The following DNAJC5B variants were observed in gnomAD, a reference collection of about 807,000 sequenced individuals.
DNAJC5B encodes dnaJ homolog subfamily C member 5B.
DNAJC5B carries 23 observed loss-of-function variants against 24.7 expected under a neutral mutation model. The ratio of observed to expected loss-of-function variants is 0.93; its 90% CI spans 0.67 to 1.32. The LOEUF is 1.32. DNAJC5B is among the 40% of genes most tolerant of loss of function. The pLI, the probability that DNAJC5B is intolerant of heterozygous loss-of-function variation, is 0.00. For synonymous variants in DNAJC5B, 101 were observed against 90.1 expected (o/e 1.12, Z -0.68); for missense variants, 238 against 240.8 (o/e 0.99, Z 0.08).
intron 5 of DNAJC5B, among the ~76,000 whole-genome samples, chr8:66,094,298 CTT>C (rs1433000950): frequency 6.6e-6 from 1 of 152,018 alleles, no homozygotes; most frequent in African/African-American, 2.4e-5. Context: ...GAATCTGAGT[CTT>C]TTAATATGTG....
In DNAJC5B at chr8:66,025,908, C is replaced by T. The variant is rs1313828211; in HGVS notation, c.-142+4203C>T. Reference sequence around the variant, plus strand: ...TTGGCTTAGGATTGACTTGGCGATGCGGGCTCTTTTTTGGTTCCATATGAA... The same window carrying T: ...TTGGCTTAGGATTGACTTGGCGATGTGGGCTCTTTTTTGGTTCCATATGAA... On this transcript the variant is annotated intron_variant, in intron 1 of 5. Coordinates refer to ENST00000276570, the MANE Select transcript of DNAJC5B (RefSeq NM_033105.6). 5.2e-5 allele frequency among the ~76,000 whole-genome samples: 5 copies of T among 96,050 alleles called. No homozygotes were observed. In the East Asian group the frequency reaches 6.2e-4, roughly 12 times the overall value. The allele number at this position is 96,050 out of a possible 152,430, so 63.0% of individuals were successfully genotyped here. A position where few individuals can be genotyped will look rare whatever the true frequency, so the allele number is the denominator to read the frequency against.
chr8:66,055,438 G>A (rs1161701858), intron 3 of DNAJC5B, among the ~76,000 whole-genome samples: 1 of 152,068 alleles, frequency 6.6e-6, no homozygotes, highest in Non-Finnish European at 1.5e-5. Context: ...ATAATATTTG[G>A]CTGTGCTCTT....
At chr8:66,053,680 A>G (rs187989115) in intron 3 of DNAJC5B, among the ~76,000 whole-genome samples, 2,499 of 147,542 alleles carry the variant, frequency 0.017, 76 homozygotes, top group African/African-American at 0.059. Flanking sequence ...CCCAGACTGG[A>G]GTGCAATGGC....
intron 3 of DNAJC5B, among the ~76,000 whole-genome samples, chr8:66,070,054 G>A (rs886881559): frequency 2.0e-5 from 3 of 152,192 alleles, no homozygotes; most frequent in Non-Finnish European, 2.9e-5. Context: ...TTGATGGAAC[G>A]TATGTCAAGA....
intron 1 of DNAJC5B, among the ~76,000 whole-genome samples, chr8:66,026,063 T>A (rs1278358779): frequency 8.1e-6 from 1 of 122,738 alleles, no homozygotes; most frequent in East Asian, 2.0e-4. Context: ...GAGCATGGAA[T>A]GTTCTTCCAT....
At chr8:66,036,349 G>A (rs1395659943) in intron 1 of DNAJC5B, among the ~76,000 whole-genome samples, 1 of 152,062 alleles carries the variant, frequency 6.6e-6, no homozygotes, top group African/African-American at 2.4e-5. Flanking sequence ...GGAGATCTCA[G>A]AATTTCCACA....
At chr8:66,043,239 C>T (rs1806652155) in intron 1 of DNAJC5B, among the ~76,000 whole-genome samples, 1 of 152,008 alleles carries the variant, frequency 6.6e-6, no homozygotes, top group African/African-American at 2.4e-5. Context: ...CAGTAGTAGC[C>T]TTAGATCAAA....
intron 4 of DNAJC5B, among the ~76,000 whole-genome samples, chr8:66,078,874 G>A (rs1554590150): frequency 6.6e-6 from 1 of 152,176 alleles, no homozygotes; most frequent in Non-Finnish European, 1.5e-5. Context: ...AGTGGGGCAG[G>A]TGAGGGCTGT....
chr8:66,067,706 A>G (rs1807251088), intron 3 of DNAJC5B, among the ~76,000 whole-genome samples: 1 of 152,182 alleles, frequency 6.6e-6, no homozygotes, highest in African/African-American at 2.4e-5. Flanking sequence ...TGGAGAACAG[A>G]GTTCCCCAGA....
chr8:66,064,251 T>G (rs910345593), intron 3 of DNAJC5B, among the ~76,000 whole-genome samples: 1 of 152,146 alleles, frequency 6.6e-6, no homozygotes, highest in African/African-American at 2.4e-5. Context: ...ATGCTGTTTG[T>G]TTTTGCACTG....
At chr8:66,084,116 T>C (rs755472750) in intron 5 of DNAJC5B, among the ~76,000 whole-genome samples, 1 of 152,162 alleles carries the variant, frequency 6.6e-6, no homozygotes, top group Non-Finnish European at 1.5e-5. Context: ...ATTAGTTAGA[T>C]TCACGTTTAT....
chr8:66,094,485 TC>T (rs1415291712), intron 5 of DNAJC5B, among the ~76,000 whole-genome samples: 1 of 152,128 alleles, frequency 6.6e-6, no homozygotes, highest in Non-Finnish European at 1.5e-5. Context: ...GATTTTTGAA[TC>T]CAAGAAACTA....
chr8:66,020,126 G>C (rs1195387996), upstream of DNAJC5B, among the ~76,000 whole-genome samples: 3 of 152,204 alleles, frequency 2.0e-5, no homozygotes, highest in African/African-American at 7.2e-5. Context: ...TGGGGAAAAG[G>C]CTTGGTGGAA....
At chr8:66,092,970 C>T (rs1049062678) in intron 5 of DNAJC5B, among the ~76,000 whole-genome samples, 1 of 152,112 alleles carries the variant, frequency 6.6e-6, no homozygotes, top group Non-Finnish European at 1.5e-5. Flanking sequence ...GTCTGCTTCT[C>T]CCCTTCCCAC....
At chr8:66,068,106 G>A (rs1020118821) in intron 3 of DNAJC5B, among the ~76,000 whole-genome samples, 5 of 152,104 alleles carry the variant, frequency 3.3e-5, no homozygotes, top group Non-Finnish European at 4.4e-5. Context: ...ACACTTTCTG[G>A]TTTAAGATAA....
chr8:66,088,386 TC>T (rs1450650695), intron 5 of DNAJC5B, among the ~76,000 whole-genome samples: 1 of 152,166 alleles, frequency 6.6e-6, no homozygotes, highest in Non-Finnish European at 1.5e-5. Flanking sequence ...TCTGTGAAGG[TC>T]TGTACATGCC....
intron 3 of DNAJC5B, among the ~76,000 whole-genome samples, chr8:66,052,236 G>A (rs1806865679): frequency 6.6e-6 from 1 of 151,438 alleles, no homozygotes; most frequent in Non-Finnish European, 1.5e-5. Flanking sequence ...GGGATTACAG[G>A]CATGAGCAAC....
chr8:66,049,465 A>T (rs1355279310), intron 2 of DNAJC5B, among the ~76,000 whole-genome samples: 1 of 152,210 alleles, frequency 6.6e-6, no homozygotes, highest in Non-Finnish European at 1.5e-5. Flanking sequence ...TTTAGGTGTT[A>T]AAAAGTCGCC....
chr8:66,059,101 C>T (rs1807027187), intron 3 of DNAJC5B, among the ~76,000 whole-genome samples: 1 of 152,196 alleles, frequency 6.6e-6, no homozygotes, highest in African/African-American at 2.4e-5. Context: ...GGTATGGTCT[C>T]ATCCAGGGCC....
Sources: gnomAD v4.1 joint callset for allele counts (sites outside exome capture counted in the v4.1 genomes callset) on GRCh38, gnomAD v4.1.1 for gene constraint, MANE v1.5 for transcripts, NCBI Gene and HGNC (gene_info 2026-07-23, HGNC 2026-07-21) for gene names.